CHTF8: variants seen among roughly 807,000 people sequenced by gnomAD.
CHTF8 encodes chromosome transmission fidelity factor 8, also known as chromosome transmission fidelity protein 8 homolog.
A neutral mutation model predicts 11.0 loss-of-function variants in CHTF8; 6 were observed. The ratio of observed to expected loss-of-function variants is 0.55; its 90% CI spans 0.30 to 1.08. The LOEUF is 1.08. Among genes scored for constraint, CHTF8 ranks in the 50% least tolerant of loss-of-function variants. The pLI is 0.07. For missense variants in CHTF8, 140 were observed against 153.1 expected (o/e 0.91, Z 0.45); for synonymous variants, 53 against 60.5 (o/e 0.88, Z 0.57).
At chr16:69,131,532 T>C (rs1225045004) in intron 1 of CHTF8, 2 of 50,224 alleles carry the variant, frequency 4.0e-5, no homozygotes, top group Non-Finnish European at 3.8e-5. Context: ...CCTCCCACCC[T>C]TTCTGCTAGA....
intron 1 of CHTF8, among the ~76,000 whole-genome samples, chr16:69,129,035 G>A (rs1363561867): frequency 6.6e-6 from 1 of 151,912 alleles, no homozygotes; most frequent in African/African-American, 2.4e-5. Context: ...CTGCACTCTA[G>A]CCTGGGTGAC....
chr16:69,120,513 C>T lies in CHTF8; in HGVS notation c.278G>A (p.Arg93Gln), dbSNP rs372410640. The change falls in exon 4 of 4, where the codon CGG (arginine) becomes CAG (glutamine). Residue 93 changes from arginine (R) to glutamine (Q), a missense_variant. Physicochemically the swap from Arg to Gln is conservative, Grantham distance 43. Transcript: ENST00000448552. This position sits in a 1 kb window ranked among gnomAD's most constrained non-coding sequence, Gnocchi z 4.0. ...CDELGRETGT[R>Q]YLVTALIKDK... ...TTTGATGAGTGCTGTCACCAGGTACCGGGTGCCAGTCTCGCGGCCAAGCTC... is the reference window on the plus strand; with the variant it reads ...TTTGATGAGTGCTGTCACCAGGTACTGGGTGCCAGTCTCGCGGCCAAGCTC... The T allele has an allele frequency of 1.3e-5, 21 of 1,613,948 alleles. No homozygotes were observed. Among genetic ancestry groups the T allele is most frequent in the African/African-American group, 9.4e-5 (7 of 74,866 alleles).
In CHTF8 at chr16:69,121,159, C is replaced by G; in HGVS notation, c.35G>C (p.Gly12Ala). Residue 12 changes from glycine to alanine, a missense_variant, in exon 3 of 4, where the codon GGA (glycine) becomes GCA (alanine). Gly to Ala is a moderately conservative substitution (Grantham distance 60, BLOSUM62 0). Coordinates refer to ENST00000448552, the MANE Select transcript of CHTF8 (RefSeq NM_001039690.5). Reference protein sequence around the residue: ...VQIVISSARAGGLAEWVLMEL... With the variant: ...VQIVISSARAAGLAEWVLMEL... ...CATCAGCACCCATTCTGCCAGGCCT[C>G]CAGCCCTCGCACTGCAAGCAAAGGG... is the stretch of plus-strand genomic sequence containing the variant. The G allele has an allele frequency of 3.7e-6, 6 of 1,612,916 alleles. No homozygotes were observed. Among genetic ancestry groups the G allele is most frequent in the Non-Finnish European group, 5.1e-6 (6 of 1,179,828 alleles).
intron 1 of CHTF8, chr16:69,132,174 C>G (rs1269584479): frequency 1.3e-5 from 2 of 153,866 alleles, no homozygotes; most frequent in Admixed American, 1.3e-4. Flanking sequence ...CTCCGCCCCG[C>G]TCGCTCCCTT....
Position 69,120,993 on chromosome 16 carries a change from A to C in CHTF8, c.141+60T>G. 1 of 1,421,522 alleles carries C rather than the reference A, an allele frequency of 7.0e-7. No individual in the cohort carries two copies. The highest frequency in any genetic ancestry group is 2.3e-5 in the East Asian group (1 of 44,026). 88.1% of individuals were successfully genotyped at this position (1,421,522 alleles called of 1,614,324 possible). ...AGTCCTCACTCTGGGTCCTGGGAGC[A>C]CCACCTTGGTGTAGCTTGCTTTCCT... On this transcript the variant is annotated intron_variant, in intron 3 of 3. Coordinates refer to ENST00000448552, the MANE Select transcript of CHTF8 (RefSeq NM_001039690.5). This position sits in a 1 kb window ranked among gnomAD's most constrained non-coding sequence, Gnocchi z 4.0.
In CHTF8 at chr16:69,120,872, T is replaced by G. The variant is rs1027156704; in HGVS notation, c.141+181A>C. ...TTTCAGAAATGTGAGCTTTCCAGAT[T>G]CCCCAAAATTAAATTTCCCTGCTAC... On this transcript the variant is annotated intron_variant, in intron 3 of 3. Coordinates refer to ENST00000448552, the MANE Select transcript of CHTF8 (RefSeq NM_001039690.5). This position sits in a 1 kb window ranked among gnomAD's most constrained non-coding sequence, Gnocchi z 4.0. 1.1e-5 allele frequency: 8 copies of G among 756,922 alleles called. No individual in the cohort carries two copies. The highest frequency in any genetic ancestry group is 1.7e-5 in the Non-Finnish European group (7 of 423,958). 46.9% of individuals were successfully genotyped at this position (756,922 alleles called of 1,614,324 possible). A position where few individuals can be genotyped will look rare whatever the true frequency, so the allele number is the denominator to read the frequency against.
At chr16:69,126,942 A>C (rs1016323616) in intron 1 of CHTF8, among the ~76,000 whole-genome samples, 6 of 152,196 alleles carry the variant, frequency 3.9e-5, no homozygotes, top group Non-Finnish European at 8.8e-5. Flanking sequence ...CATTCAGTGT[A>C]GAATTGATTA....
At position 69,120,843 on chromosome 16, in the gene CHTF8, C is replaced by T; in HGVS notation, c.142-194G>A. 1 of 742,600 alleles carries T rather than the reference C, an allele frequency of 1.3e-6. No individual in the cohort carries two copies. The highest frequency in any genetic ancestry group is 2.4e-6 in the Non-Finnish European group (1 of 419,264). 46.0% of individuals were successfully genotyped at this position (742,600 alleles called of 1,614,324 possible). ...TTTCTAGCCCCACATAGGAGAATTTCCACTTTCAGAAATGTGAGCTTTCCA... is the reference window on the plus strand; with the variant it reads ...TTTCTAGCCCCACATAGGAGAATTTTCACTTTCAGAAATGTGAGCTTTCCA... On this transcript the variant is annotated intron_variant, in intron 3 of 3. Coordinates refer to ENST00000448552, the MANE Select transcript of CHTF8 (RefSeq NM_001039690.5). This position sits in a 1 kb window ranked among gnomAD's most constrained non-coding sequence, Gnocchi z 4.0.
chr16:69,118,131 C>CCCCCCT lies in CHTF8; in HGVS notation c.*2293_*2294insAGGGGG. 1 of 359,770 alleles carries CCCCCCT rather than the reference C, an allele frequency of 2.8e-6. No individual in the cohort carries two copies. Among genetic ancestry groups the CCCCCCT allele is most frequent in the Non-Finnish European group, 5.1e-6 (1 of 195,850 alleles). The allele number at this position is 359,770 out of a possible 1,614,324, so 22.3% of individuals were successfully genotyped here. A position where few individuals can be genotyped will look rare whatever the true frequency, so the allele number is the denominator to read the frequency against. Reference sequence around the variant, plus strand: ...GATTTCTTCCCTTCATCCCCCACCCCCACCCTAATTCCCATATTCCCATCC... The same window carrying CCCCCCT: ...GATTTCTTCCCTTCATCCCCCACCCCCCCCCTCACCCTAATTCCCATATTCCCATCC... On this transcript the variant is annotated 3_prime_UTR_variant, in exon 4 of 4. Transcript: ENST00000448552.
chr16:69,125,091 A>G (rs1961962533), intron 1 of CHTF8, among the ~76,000 whole-genome samples: 1 of 150,952 alleles, frequency 6.6e-6, no homozygotes, highest in South Asian at 2.1e-4. Flanking sequence ...TTTAATAGAG[A>G]CGGGGCTTCT....
rs1597109622 is a variant in CHTF8, at chr16:69,120,951, A to T, written c.141+102T>A. 1 of 990,676 alleles carries T rather than the reference A, an allele frequency of 1.0e-6. No homozygotes were observed. The highest frequency in any genetic ancestry group is 2.4e-5 in the East Asian group (1 of 42,106). 61.4% of individuals were successfully genotyped at this position (990,676 alleles called of 1,614,324 possible). On this transcript the variant is annotated intron_variant, in intron 3 of 3. Transcript: ENST00000448552. This position sits in a 1 kb window ranked among gnomAD's most constrained non-coding sequence, Gnocchi z 4.0. ...AGCATCGCAGATTAGCTAGGCCTTG[A>T]ATAACAAACCTGAGGCAGTCCTCAC...
At chr16:69,124,573 G>T (rs368850937) in intron 1 of CHTF8, among the ~76,000 whole-genome samples, 1 of 151,734 alleles carries the variant, frequency 6.6e-6, no homozygotes, top group African/African-American at 2.4e-5. Context: ...ACAGGCGCCC[G>T]CCACCACGCC....
At position 69,120,304 on chromosome 16, in the gene CHTF8, T is replaced by C. The variant is rs1342629121; in HGVS notation, c.*121A>G. ...GGGATCCGAGTTCACACCCAGTGGG[T>C]GGCCTGTGTTCAGAACAGGACCCCC... On this transcript the variant is annotated 3_prime_UTR_variant, in exon 4 of 4. Transcript: ENST00000448552. This position sits in a 1 kb window ranked among gnomAD's most constrained non-coding sequence, Gnocchi z 4.0. 1.1e-6 allele frequency: 1 copy of C among 900,246 alleles called. No individual in the cohort carries two copies. Among genetic ancestry groups the C allele is most frequent in the Non-Finnish European group, 1.8e-6 (1 of 547,984 alleles). 55.8% of individuals were successfully genotyped at this position (900,246 alleles called of 1,614,324 possible).
At chr16:69,123,638 A>T (rs891102595) in intron 1 of CHTF8, among the ~76,000 whole-genome samples, 2 of 152,088 alleles carry the variant, frequency 1.3e-5, no homozygotes, top group African/African-American at 2.4e-5. Flanking sequence ...ACAGAGTGAG[A>T]CTGTCTCAAA....
At chr16:69,130,144 C>G (rs895829786) in intron 1 of CHTF8, among the ~76,000 whole-genome samples, 1 of 152,174 alleles carries the variant, frequency 6.6e-6, no homozygotes, top group African/African-American at 2.4e-5. Flanking sequence ...ACAGCCTGAG[C>G]AATGATCCTC....
rs558219818 is a variant in CHTF8 at position 69,130,557 on chromosome 16, CAT to C, written c.-36+1925_-36+1926del. On this transcript the variant is annotated intron_variant, in intron 1 of 3. Transcript: ENST00000448552. ...GATTCTGTGATTTTGCCACCTATCC[CAT>C]ATGTGACAGTGGGTAGTTTAACCTC... 8.8e-4 allele frequency among the ~76,000 whole-genome samples: 134 copies of C among 152,310 alleles called. 1 individual carries two copies. The South Asian group carries it at 0.014, about 16-fold the overall frequency.
chr16:69,120,350 C>G lies in CHTF8; in HGVS notation c.*75G>C, dbSNP rs781432168. 4 of 1,456,228 alleles carry G rather than the reference C, an allele frequency of 2.7e-6. No homozygotes were observed. The highest frequency in any genetic ancestry group is 1.1e-5 in the South Asian group (1 of 87,340). The allele number at this position is 1,456,228 out of a possible 1,614,324, so 90.2% of individuals were successfully genotyped here. On this transcript the variant is annotated 3_prime_UTR_variant, in exon 4 of 4. Transcript: ENST00000448552. The surrounding 1 kb of genome is among the most constrained non-coding windows in gnomAD (Gnocchi z 4.0). ...CCCCCCTGTGGTCCCAGGGAACCGT[C>G]GAGCCGTCCTCGAGGTGGCAGCGGA...
At chr16:69,124,671 A>G (rs1044980520) in intron 1 of CHTF8, among the ~76,000 whole-genome samples, 1 of 151,762 alleles carries the variant, frequency 6.6e-6, no homozygotes, top group African/African-American at 2.4e-5. Flanking sequence ...CACCACCCCC[A>G]GCCGATTTCT....
intron 1 of CHTF8, among the ~76,000 whole-genome samples, chr16:69,122,579 C>T (rs1471551758): frequency 6.8e-6 from 1 of 147,232 alleles, no homozygotes; most frequent in Non-Finnish European, 1.5e-5. Flanking sequence ...CTCACTGTGT[C>T]ACCCAGGCTG....
Sources: gnomAD v4.1 joint callset for allele counts (sites outside exome capture counted in the v4.1 genomes callset) on GRCh38, gnomAD v4.1.1 for gene constraint, Gnocchi (gnomAD v3.1) non-coding constraint, MANE v1.5 for transcripts, NCBI Gene and HGNC (gene_info 2026-07-23, HGNC 2026-07-21) for gene names.